DPY19L1: variants seen among roughly 807,000 people sequenced by gnomAD.
DPY19L1 encodes dpy-19 like C-mannosyltransferase 1.
Under a neutral mutation model 96.9 loss-of-function variants are expected in DPY19L1, and 35 were observed. The ratio of observed to expected loss-of-function variants is 0.36; its 90% confidence interval spans 0.28 to 0.48. The LOEUF (loss-of-function observed/expected upper bound fraction) is 0.48, where lower values mean the gene tolerates loss of function less well. Ranked by LOEUF, DPY19L1 falls within the 20% of genes least tolerant of loss-of-function variation. The pLI is 0.99. For synonymous variants in DPY19L1, 205 were observed against 252.6 expected (o/e 0.81, Z 1.79); for missense variants, 521 against 777.9 (o/e 0.67, Z 3.93).
chr7:34,941,553 C>T lies in DPY19L1; in HGVS notation c.1689+212G>A, dbSNP rs80022276. ...CTCATGAACTCAGTCTGTACTAAAT[C>T]GGTATTAGTTGTACACCAACAACTA... On this transcript the variant is annotated intron_variant, in intron 18 of 21. Transcript: ENST00000638088. 2.6e-5 allele frequency among the ~76,000 whole-genome samples: 4 copies of T among 152,302 alleles called. No homozygotes were observed. In the South Asian group the frequency reaches 6.2e-4, roughly 24 times the overall value.
chr7:34,967,104 A>C (rs564720568), intron 9 of DPY19L1, 133 bp from the exon 10 acceptor site: 33 of 565,400 alleles, frequency 5.8e-5, no homozygotes, highest in Non-Finnish European at 8.7e-5. Context: ...CTTTTATCTG[A>C]CAATTTATTA....
rs546299123 is a variant in DPY19L1 at position 34,956,022 on chromosome 7, T to TATTCCCTGTTATCTGTGC, written c.1180-656_1180-655insGCACAGATAACAGGGAAT. ...TAGTTAAATATGCACAAACATGCTG[T>TATTCCCTGTTATCTGTGC]ATTCCCTGTTATCATTTATTTTTAT... On this transcript the variant is annotated intron_variant, in intron 11 of 21. Transcript: ENST00000638088. 4.3e-4 allele frequency among the ~76,000 whole-genome samples: 65 copies of TATTCCCTGTTATCTGTGC among 152,328 alleles called. 1 individual carries two copies. The highest frequency in any genetic ancestry group is 1.3e-3 in the African/African-American group (56 of 41,592).
chr7:35,029,253 C>G (rs529249387), intron 1 of DPY19L1, among the ~76,000 whole-genome samples: 1 of 152,304 alleles, frequency 6.6e-6, no homozygotes, highest in East Asian at 1.9e-4. Flanking sequence ...AAGTAACTTT[C>G]TTCTTATTAA....
upstream of DPY19L1, chr7:35,037,820 C>G: frequency 1.6e-6 from 2 of 1,228,024 alleles, no homozygotes; most frequent in Non-Finnish European, 2.0e-6. Flanking sequence ...ACCCACACCT[C>G]TTCGGCGCCC....
At chr7:35,016,245 G>C (rs1358846822) in intron 3 of DPY19L1, among the ~76,000 whole-genome samples, 1 of 152,166 alleles carries the variant, frequency 6.6e-6, no homozygotes, top group African/African-American at 2.4e-5. Context: ...ATGGATACTA[G>C]TGAGGTCACA....
chr7:34,958,964 A>G (rs1350659484), intron 10 of DPY19L1, among the ~76,000 whole-genome samples: 1 of 152,122 alleles, frequency 6.6e-6, no homozygotes, highest in Non-Finnish European at 1.5e-5. Flanking sequence ...CTCTCTTCAT[A>G]TATTACAGAA....
At chr7:34,969,142 G>A (rs10951430) in intron 9 of DPY19L1, among the ~76,000 whole-genome samples, 29,808 of 151,836 alleles carry the variant, frequency 0.2, 3,266 homozygotes, top group Admixed American at 0.36. Flanking sequence ...AGCACTTAAC[G>A]ATACTGAATA....
At chr7:34,977,488 C>T (rs1337216098) in intron 7 of DPY19L1, among the ~76,000 whole-genome samples, 1 of 152,170 alleles carries the variant, frequency 6.6e-6, no homozygotes, top group Non-Finnish European at 1.5e-5. Flanking sequence ...AATTACAGGA[C>T]TGTAATGAAG....
intron 7 of DPY19L1, among the ~76,000 whole-genome samples, chr7:34,985,857 C>T (rs188396445): frequency 3.9e-5 from 6 of 152,058 alleles, no homozygotes; most frequent in Non-Finnish European, 8.8e-5. Flanking sequence ...ATCTGCACTC[C>T]CATGTTCATT....
chr7:34,993,113 C>T (rs554648710), intron 6 of DPY19L1, among the ~76,000 whole-genome samples: 16 of 152,248 alleles, frequency 1.1e-4, no homozygotes, highest in South Asian at 4.2e-4. Context: ...ATCTAATTTG[C>T]GGCGTATTCT....
chr7:34,987,957 A>C (rs1389722840), intron 7 of DPY19L1: 3 of 151,980 alleles, frequency 2.0e-5, no homozygotes, highest in Admixed American at 1.3e-4. Context: ...AATTCTAATG[A>C]TATTCGGTTT....
intron 1 of DPY19L1, among the ~76,000 whole-genome samples, chr7:35,034,293 T>C (rs1204613880): frequency 2.0e-5 from 3 of 152,190 alleles, no homozygotes; most frequent in Admixed American, 2.0e-4. Context: ...CATACATAAA[T>C]AGACCAACAG....
At chr7:34,963,193 CAAAAAAA>C (rs58387078) in intron 10 of DPY19L1, among the ~76,000 whole-genome samples, 3 of 78,802 alleles carry the variant, frequency 3.8e-5, no homozygotes, top group Non-Finnish European at 4.6e-5. Flanking sequence ...AGATCTGTCT[CAAAAAAA>C]AAAAAAAAAA....
At chr7:35,008,305 G>A (rs1373244838) in intron 6 of DPY19L1, among the ~76,000 whole-genome samples, 2 of 152,104 alleles carry the variant, frequency 1.3e-5, no homozygotes, top group Non-Finnish European at 2.9e-5. Flanking sequence ...AATAGTGTGT[G>A]TTGACTGAAC....
chr7:34,946,564 G>A (rs1392372705), intron 15 of DPY19L1, among the ~76,000 whole-genome samples: 1 of 152,084 alleles, frequency 6.6e-6, no homozygotes, highest in Admixed American at 6.6e-5. Context: ...TATTTTTTGA[G>A]TACCCACTAG....
intron 10 of DPY19L1, among the ~76,000 whole-genome samples, chr7:34,959,360 C>T (rs1182185474): frequency 1.3e-5 from 2 of 152,152 alleles, no homozygotes; most frequent in African/African-American, 2.4e-5. Context: ...AATCCCATTG[C>T]TGGGTACATA....
intron 15 of DPY19L1, among the ~76,000 whole-genome samples, chr7:34,946,797 T>TC (rs1335670551): frequency 5.3e-5 from 8 of 152,236 alleles, no homozygotes; most frequent in Admixed American, 5.2e-4. Context: ...CTTTGATCTT[T>TC]CAGTTCTGTA....
At chr7:34,961,230 T>C (rs187574359) in intron 10 of DPY19L1, among the ~76,000 whole-genome samples, 17 of 152,288 alleles carry the variant, frequency 1.1e-4, no homozygotes, top group Middle Eastern at 6.8e-3. Flanking sequence ...GGACTGACAC[T>C]ACCCCACTTC....
chr7:35,015,027 C>T (rs1277098669), intron 3 of DPY19L1, among the ~76,000 whole-genome samples: 6 of 152,094 alleles, frequency 3.9e-5, no homozygotes, highest in African/African-American at 7.2e-5. Context: ...AGATGCCCGT[C>T]AACACCTTAA....
Sources: allele counts gnomAD v4.1 joint callset (sites outside exome capture counted in the v4.1 genomes callset), GRCh38; gene constraint gnomAD v4.1.1; transcripts MANE v1.5; gene names NCBI Gene and HGNC (gene_info 2026-07-23, HGNC 2026-07-21).